The following IMMP2L variants were observed in gnomAD, a reference collection of about 807,000 sequenced individuals.
IMMP2L encodes the protein inner mitochondrial membrane peptidase subunit 2, also known as mitochondrial inner membrane protease subunit 2.
In IMMP2L, 18 loss-of-function variants were observed where a neutral mutation model predicts 19.3. That is an observed-to-expected ratio of 0.93 (90% CI 0.64 to 1.38). The LOEUF (loss-of-function observed/expected upper bound fraction) is 1.38, where lower values mean the gene tolerates loss of function less well. Among genes scored for constraint, IMMP2L ranks in the 40% most tolerant of loss-of-function variants. IMMP2L has a pLI of 0.00. For synonymous variants in IMMP2L, 76 were observed against 73.0 expected (o/e 1.04, Z -0.21); for missense variants, 233 against 218.2 (o/e 1.07, Z -0.43).
chr7:111,048,006 G>C (rs542969714), intron 3 of IMMP2L, among the ~76,000 whole-genome samples: 1 of 152,006 alleles, frequency 6.6e-6, no homozygotes, highest in Non-Finnish European at 1.5e-5. Flanking sequence ...TTGGGAGGCC[G>C]AGGCAGGCAG....
intron 3 of IMMP2L, among the ~76,000 whole-genome samples, chr7:111,397,714 G>A (rs531657920): frequency 2.6e-5 from 4 of 151,982 alleles, no homozygotes; most frequent in South Asian, 4.2e-4. Context: ...CATGACCTTT[G>A]CCTATTATCC....
At chr7:111,518,545 C>T (rs1846066805) in intron 2 of IMMP2L, among the ~76,000 whole-genome samples, 2 of 152,090 alleles carry the variant, frequency 1.3e-5, no homozygotes, top group African/African-American at 4.8e-5. Context: ...GTCCTTGAGT[C>T]ATTAGAGAAA....
rs570720538 is a variant in IMMP2L at position 110,702,672 on chromosome 7, C to T, written c.409-38951G>A. Among the ~76,000 whole-genome samples, 3 of 152,180 alleles carry T rather than the reference C, an allele frequency of 2.0e-5. No homozygotes were observed. In the South Asian group the frequency reaches 6.2e-4, roughly 32 times the overall value. ...CCCTTAGTTTTTCAAGGTTTTAATGCTATTATAAATAATATGATTTAACAT... is the reference window on the plus strand; with the variant it reads ...CCCTTAGTTTTTCAAGGTTTTAATGTTATTATAAATAATATGATTTAACAT... On this transcript the variant is annotated intron_variant, in intron 5 of 5. Coordinates refer to ENST00000405709, the MANE Select transcript of IMMP2L (RefSeq NM_032549.4).
chr7:111,284,020 A>G (rs1435927715), intron 3 of IMMP2L, among the ~76,000 whole-genome samples: 1 of 151,418 alleles, frequency 6.6e-6, no homozygotes, highest in Non-Finnish European at 1.5e-5. Flanking sequence ...TGCATTTCAT[A>G]TCATATTCTA....
At chr7:110,707,171 A>T (rs1794761113) in intron 5 of IMMP2L, among the ~76,000 whole-genome samples, 1 of 58,394 alleles carries the variant, frequency 1.7e-5, no homozygotes, top group Admixed American at 1.9e-4. Flanking sequence ...CGACCCCACC[A>T]CAGTCCCCAG....
intron 3 of IMMP2L, among the ~76,000 whole-genome samples, chr7:111,157,268 T>C (rs1247209696): frequency 6.6e-6 from 1 of 152,102 alleles, no homozygotes; most frequent in African/African-American, 2.4e-5. Flanking sequence ...AAGAGATATC[T>C]GTATTCCCAT....
At chr7:111,364,513 T>C (rs1051865220) in intron 3 of IMMP2L, among the ~76,000 whole-genome samples, 1 of 151,644 alleles carries the variant, frequency 6.6e-6, no homozygotes, top group African/African-American at 2.4e-5. Context: ...GAGGATGCTA[T>C]AGTCCCAGCT....
In IMMP2L at chr7:111,098,760, G is replaced by A. The variant is rs114686398; in HGVS notation, c.240-135195C>T. On this transcript the variant is annotated intron_variant, in intron 3 of 5. Coordinates refer to ENST00000405709, the MANE Select transcript of IMMP2L (RefSeq NM_032549.4). Reference sequence around the variant, plus strand: ...AAGGCTTAGAGAAGAAAAGTAACTTGCCATAACTAATGAAGAACACGAAAA... The same window carrying A: ...AAGGCTTAGAGAAGAAAAGTAACTTACCATAACTAATGAAGAACACGAAAA... Among the ~76,000 whole-genome samples the A allele has an allele frequency of 1.9e-3, 282 of 151,746 alleles. 1 individual carries two copies. The highest frequency in any genetic ancestry group is 6.3e-3 in the African/African-American group (263 of 41,454).
At chr7:111,320,988 G>A (rs1468236931) in intron 3 of IMMP2L, among the ~76,000 whole-genome samples, 7 of 152,040 alleles carry the variant, frequency 4.6e-5, no homozygotes, top group Non-Finnish European at 8.8e-5. Flanking sequence ...AATGAATAAA[G>A]ATATAAATGA....
At chr7:111,343,610 G>A (rs1827244727) in intron 3 of IMMP2L, among the ~76,000 whole-genome samples, 1 of 152,052 alleles carries the variant, frequency 6.6e-6, no homozygotes, top group African/African-American at 2.4e-5. Context: ...ATTTCTCTGT[G>A]TCCCTGCTCT....
intron 3 of IMMP2L, among the ~76,000 whole-genome samples, chr7:111,025,208 T>C (rs1023981445): frequency 2.0e-5 from 3 of 152,132 alleles, no homozygotes; most frequent in Non-Finnish European, 1.5e-5. Context: ...ACCAGGCAGG[T>C]GATGTAAACA....
At chr7:111,218,594 A>G (rs773745473) in intron 3 of IMMP2L, among the ~76,000 whole-genome samples, 19 of 152,044 alleles carry the variant, frequency 1.2e-4, no homozygotes, top group Admixed American at 2.0e-4. Flanking sequence ...GATCTAAAAT[A>G]TTTTCGTTAA....
At chr7:111,290,675 A>G (rs538351295) in intron 3 of IMMP2L, among the ~76,000 whole-genome samples, 3 of 152,186 alleles carry the variant, frequency 2.0e-5, no homozygotes, top group South Asian at 2.1e-4. Flanking sequence ...TGATACACAG[A>G]TATGTGAGGC....
intron 3 of IMMP2L, among the ~76,000 whole-genome samples, chr7:111,419,626 T>C (rs1476832026): frequency 6.6e-6 from 1 of 151,832 alleles, no homozygotes; most frequent in Admixed American, 6.6e-5. Flanking sequence ...CCTGCCTTTC[T>C]GGACAGAACC....
intron 3 of IMMP2L, among the ~76,000 whole-genome samples, chr7:111,413,114 T>C (rs1301887346): frequency 6.6e-6 from 1 of 152,114 alleles, no homozygotes; most frequent in Non-Finnish European, 1.5e-5. Context: ...AACAATTTTA[T>C]ACCATAACTT....
At chr7:111,085,288 A>G (rs1053144232) in intron 3 of IMMP2L, among the ~76,000 whole-genome samples, 15 of 152,304 alleles carry the variant, frequency 9.8e-5, no homozygotes, top group African/African-American at 3.1e-4. Flanking sequence ...TGCTGAGTCA[A>G]ATGGTATTTC....
chr7:111,169,161 T>C (rs1208617344), intron 3 of IMMP2L, among the ~76,000 whole-genome samples: 1 of 151,906 alleles, frequency 6.6e-6, no homozygotes, highest in African/African-American at 2.4e-5. Flanking sequence ...TAAAGATTTA[T>C]AGGAGCATTG....
At position 111,270,186 on chromosome 7, in the gene IMMP2L, G is replaced by A. The variant is rs917761976; in HGVS notation, c.239+217052C>T. Among the ~76,000 whole-genome samples the A allele has an allele frequency of 3.3e-5, 5 of 151,438 alleles. No individual in the cohort carries two copies. In the East Asian group the frequency reaches 7.8e-4, roughly 24 times the overall value. ...AATTAAATGGGGGAAGAGAAAGCTGGCTTGCCTTTTATTTAAAAAAATAAA... is the reference window on the plus strand; with the variant it reads ...AATTAAATGGGGGAAGAGAAAGCTGACTTGCCTTTTATTTAAAAAAATAAA... On this transcript the variant is annotated intron_variant, in intron 3 of 5. Transcript: ENST00000405709.
In IMMP2L at chr7:111,259,557, G is replaced by C. The variant is rs139293767; in HGVS notation, c.239+227681C>G. Among the ~76,000 whole-genome samples, 87 of 152,084 alleles carry C rather than the reference G, an allele frequency of 5.7e-4. No homozygotes were observed. The East Asian group carries it at 0.013, about 23-fold the overall frequency. On this transcript the variant is annotated intron_variant, in intron 3 of 5. Coordinates refer to ENST00000405709, the MANE Select transcript of IMMP2L (RefSeq NM_032549.4). Reference sequence around the variant, plus strand: ...AGGATGCTGAGGCAGGGGATCTCTTGAGGCCAGGAGTTCAAGGATGCAGTG... The same window carrying C: ...AGGATGCTGAGGCAGGGGATCTCTTCAGGCCAGGAGTTCAAGGATGCAGTG...
Sources: allele counts gnomAD v4.1 joint callset (sites outside exome capture counted in the v4.1 genomes callset), GRCh38; gene constraint gnomAD v4.1.1; transcripts MANE v1.5; gene names NCBI Gene and HGNC (gene_info 2026-07-23, HGNC 2026-07-21).